The following ADD1 variants were observed in gnomAD, a reference collection of about 807,000 sequenced individuals.
ADD1 encodes the protein adducin 1.
In ADD1, 24 loss-of-function variants were observed where a neutral mutation model predicts 80.5. That is an observed-to-expected ratio of 0.30 (90% CI 0.22 to 0.42). The LOEUF (loss-of-function observed/expected upper bound fraction) is 0.42, where lower values mean the gene tolerates loss of function less well. Among genes scored for constraint, ADD1 ranks in the 10% least tolerant of loss-of-function variants. ADD1 has a pLI of 1.00. For missense variants in ADD1, 948 were observed against 1,019.0 expected, an observed-to-expected ratio of 0.93 and a Z score of 0.95; for synonymous variants, 373 against 393.8, an observed-to-expected ratio of 0.95 and a Z score of 0.63.
chr4:2,926,724 T>C lies in ADD1; in HGVS notation c.2047+612T>C, dbSNP rs1452353905. On this transcript the variant is annotated intron_variant, in intron 15 of 15. Coordinates refer to ENST00000683351, the MANE Select transcript of ADD1 (RefSeq NM_001354761.2). The surrounding 1 kb of genome is among the most constrained non-coding windows in gnomAD (Gnocchi z 5.0). The stretch of plus-strand genomic sequence containing the variant: ...CTCCACCGGTGCCCTGCGCTTTGCC[T>C]CATTCTCCTGCTTCTTTGTTGTTTA... 5 of 1,567,732 alleles carry C rather than the reference T, an allele frequency of 3.2e-6. No homozygotes were observed. The highest frequency in any genetic ancestry group is 4.4e-6 in the Non-Finnish European group (5 of 1,141,806).
chr4:2,890,575 T>A (rs1734143631), intron 4 of ADD1, among the ~76,000 whole-genome samples: 1 of 151,682 alleles, frequency 6.6e-6, no homozygotes, highest in South Asian at 2.1e-4. Flanking sequence ...CCCGGCTAAT[T>A]TTTTTTGTAT....
intron 14 of ADD1, among the ~76,000 whole-genome samples, chr4:2,918,522 T>C (rs986001120): frequency 1.3e-5 from 2 of 152,234 alleles, no homozygotes; most frequent in African/African-American, 4.8e-5. Flanking sequence ...TCTTGCCTGA[T>C]TGCCGTGGCC....
At chr4:2,899,895 A>G (rs1221944123) in intron 9 of ADD1, 1 of 281,630 alleles carries the variant, frequency 3.6e-6, no homozygotes, top group Non-Finnish European at 6.9e-6. Context: ...TCAGCTGCTT[A>G]TTGCAGGGAC....
intron 1 of ADD1, among the ~76,000 whole-genome samples, chr4:2,848,120 C>T (rs559856167): frequency 1.2e-4 from 18 of 151,272 alleles, no homozygotes; most frequent in African/African-American, 2.2e-4. Flanking sequence ...GAGGCTGAGG[C>T]GGGAGAATCA....
In ADD1 at chr4:2,926,230, G is replaced by T. The variant is rs982811284; in HGVS notation, c.2047+118G>T. 6.7e-6 allele frequency: 6 copies of T among 899,224 alleles called. No homozygotes were observed. Among genetic ancestry groups the T allele is most frequent in the Non-Finnish European group, 9.1e-6 (5 of 548,818 alleles). The allele number at this position is 899,224 out of a possible 1,614,324, so 55.7% of individuals were successfully genotyped here. A position where few individuals can be genotyped will look rare whatever the true frequency, so the allele number is the denominator to read the frequency against. ...CACGGAAGTGTGTGCTTGCATCAGCGCCAGGACGTGACACCTTTCTCCTCC... is the reference window on the plus strand; with the variant it reads ...CACGGAAGTGTGTGCTTGCATCAGCTCCAGGACGTGACACCTTTCTCCTCC... On this transcript the variant is annotated intron_variant, in intron 15 of 15. Coordinates refer to ENST00000683351, the MANE Select transcript of ADD1 (RefSeq NM_001354761.2). The surrounding 1 kb of genome is among the most constrained non-coding windows in gnomAD (Gnocchi z 5.0).
At chr4:2,870,381 A>AG (rs1730240344) in intron 1 of ADD1, among the ~76,000 whole-genome samples, 1 of 152,258 alleles carries the variant, frequency 6.6e-6, no homozygotes, top group Non-Finnish European at 1.5e-5. Context: ...ATTAGAAAAG[A>AG]GACGTTATTT....
rs1712666506 is a variant in ADD1, at chr4:2,929,562, T to C, written c.*1039T>C. ...AGGCTGGAAAAGGGCTCAGAGCTGC[T>C]GAGCAGGAACCGGAGGGTGACCCAT... is the stretch of plus-strand genomic sequence containing the variant. On this transcript the variant is annotated 3_prime_UTR_variant, in exon 16 of 16. Transcript: ENST00000683351. The C allele has an allele frequency of 6.6e-6, 1 of 152,354 alleles. No individual in the cohort carries two copies. Among genetic ancestry groups the C allele is most frequent in the African/African-American group, 2.4e-5 (1 of 41,476 alleles). 9.4% of individuals were successfully genotyped at this position (152,354 alleles called of 1,614,324 possible).
intron 4 of ADD1, among the ~76,000 whole-genome samples, chr4:2,892,967 G>A (rs1353472319): frequency 1.3e-5 from 2 of 151,940 alleles, no homozygotes; most frequent in Non-Finnish European, 2.9e-5. Flanking sequence ...CCAGGCTAGA[G>A]TGCAGTGGCA....
chr4:2,903,891 C>G (rs1239610585), intron 9 of ADD1, among the ~76,000 whole-genome samples: 1 of 152,174 alleles, frequency 6.6e-6, no homozygotes, highest in Non-Finnish European at 1.5e-5. Flanking sequence ...GTGGGGCTGT[C>G]TTTTACCACA....
chr4:2,849,549 A>G (rs1013835613), intron 1 of ADD1, among the ~76,000 whole-genome samples: 5 of 152,194 alleles, frequency 3.3e-5, no homozygotes, highest in African/African-American at 1.2e-4. Context: ...GCAGCCTGGA[A>G]TGGCAGCTGT....
Position 2,926,060 on chromosome 4 carries a change from C to A in ADD1, c.1995C>A (p.Asp665Glu). Reference sequence around the variant, plus strand: ...AACAGAAAGAAAAGAGTCCTCCAGACCAGCCTGCGGTCCCCCACCCGCCTC... The same window carrying A: ...AACAGAAAGAAAAGAGTCCTCCAGAACAGCCTGCGGTCCCCCACCCGCCTC... ...AREQKEKSPP[D>E]QPAVPHPPPS... The change falls in exon 15 of 16, where the codon GAC (aspartate) becomes GAA (glutamate). Residue 665 changes from aspartate (D) to glutamate (E), a missense_variant. Transcript: ENST00000683351. This position sits in a 1 kb window ranked among gnomAD's most constrained non-coding sequence, Gnocchi z 5.0. The A allele has an allele frequency of 6.2e-7, 1 of 1,614,202 alleles. No homozygotes were observed. The highest frequency in any genetic ancestry group is 8.5e-7 in the Non-Finnish European group (1 of 1,180,028).
chr4:2,909,580 C>G (rs562032727), intron 13 of ADD1, 149 bp downstream of exon 13: 2 of 610,242 alleles, frequency 3.3e-6, no homozygotes, highest in African/African-American at 3.8e-5. Context: ...ACAGAAGGTT[C>G]TGTTCTACCT....
chr4:2,870,970 T>C (rs1376974503), intron 1 of ADD1, among the ~76,000 whole-genome samples: 1 of 151,010 alleles, frequency 6.6e-6, no homozygotes, highest in Non-Finnish European at 1.5e-5. Context: ...ACATTTTCTT[T>C]CTTTTTTTTT....
Position 2,928,580 on chromosome 4 carries a change from G to A in ADD1, c.*57G>A, listed in dbSNP as rs529434774. The A allele has an allele frequency of 4.5e-6, 7 of 1,548,366 alleles. No individual in the cohort carries two copies. Among genetic ancestry groups the A allele is most frequent in the East Asian group, 2.2e-5 (1 of 44,596 alleles). On this transcript the variant is annotated 3_prime_UTR_variant, in exon 16 of 16. Transcript: ENST00000683351. ...CGACCCTGGCTCTGCCAGCGTCCCC[G>A]GCCACGTCTGTGCTCTGTCCTTGTG...
chr4:2,893,593 AC>A (rs1178933197), intron 4 of ADD1, among the ~76,000 whole-genome samples: 1 of 152,092 alleles, frequency 6.6e-6, no homozygotes, highest in African/African-American at 2.4e-5. Context: ...AGCCTGGGCA[AC>A]AGAGTGAGAC....
At chr4:2,856,586 T>TG (rs1328356629) in intron 1 of ADD1, among the ~76,000 whole-genome samples, 2 of 94,188 alleles carry the variant, frequency 2.1e-5, no homozygotes, top group Non-Finnish European at 5.7e-5. Context: ...TTACTAGAGT[T>TG]TTTTTTTTTT....
chr4:2,899,339 CCCAGGGTCT>C lies in ADD1; in HGVS notation c.1068_1076del (p.Gly357_Pro359del), dbSNP rs1243665535. The stretch of plus-strand genomic sequence containing the variant: ...AGAAGTACAAAGCCAAGTCCCGTTC[CCCAGGGTCT>C]CCGGTAGGGGAAGGCACTGGATCGC... On this transcript the variant is annotated inframe_deletion, in exon 9 of 16. Coordinates refer to ENST00000683351, the MANE Select transcript of ADD1 (RefSeq NM_001354761.2). 2 of 1,614,076 alleles carry C rather than the reference CCCAGGGTCT, an allele frequency of 1.2e-6. No individual in the cohort carries two copies. The highest frequency in any genetic ancestry group is 2.7e-5 in the African/African-American group (2 of 74,914).
At chr4:2,911,448 A>ATTTTTT (rs33935514) in intron 13 of ADD1, among the ~76,000 whole-genome samples, 2 of 130,502 alleles carry the variant, frequency 1.5e-5, no homozygotes, top group Non-Finnish European at 3.2e-5. Flanking sequence ...ATATATATAT[A>ATTTTTT]TTTTTTTTTT....
intron 1 of ADD1, among the ~76,000 whole-genome samples, chr4:2,848,405 T>C (rs1330200212): frequency 2.6e-5 from 4 of 152,216 alleles, no homozygotes; most frequent in Non-Finnish European, 5.9e-5. Flanking sequence ...ACAGTTGTTA[T>C]AACTAATGTG....
Sources: gnomAD v4.1 joint callset for allele counts (sites outside exome capture counted in the v4.1 genomes callset) on GRCh38, gnomAD v4.1.1 for gene constraint, Gnocchi (gnomAD v3.1) non-coding constraint, MANE v1.5 for transcripts, NCBI Gene and HGNC (gene_info 2026-07-23, HGNC 2026-07-21) for gene names.